The following CSMD1 variants were observed in gnomAD, a reference collection of about 807,000 sequenced individuals.
CSMD1 encodes the protein CUB and sushi domain-containing protein 1.
A neutral mutation model predicts 417.5 loss-of-function variants in CSMD1; 213 were observed. The ratio of observed to expected loss-of-function variants is 0.51; its 90% CI spans 0.46 to 0.57. The LOEUF (loss-of-function observed/expected upper bound fraction) is 0.57. CSMD1 is among the 20% of genes least tolerant of loss of function. The pLI is 0.00. For missense variants in CSMD1, 6,923 were observed against 4,529.7 expected, an observed-to-expected ratio of 1.53 and a Z score of -15.17; for synonymous variants, 2,862 against 1,736.8, an observed-to-expected ratio of 1.65 and a Z score of -16.11.
chr8:4,904,184 T>A (rs1805083943), intron 1 of CSMD1, among the ~76,000 whole-genome samples: 1 of 152,128 alleles, frequency 6.6e-6, no homozygotes, highest in African/African-American at 2.4e-5. Context: ...ATCTCTGAAC[T>A]CTGGTCATAA....
intron 3 of CSMD1, among the ~76,000 whole-genome samples, chr8:4,097,245 A>T (rs1801062537): frequency 6.6e-6 from 1 of 152,210 alleles, no homozygotes; most frequent in African/African-American, 2.4e-5. Flanking sequence ...TGTAGTACAA[A>T]GAACTGGAAA....
rs766089311 is a variant in CSMD1, at chr8:3,348,026, C to T, written c.3440G>A (p.Arg1147Gln). The change falls in exon 22 of 70, where the codon CGA becomes CAA. Residue 1147 changes from arginine (R) to glutamine (Q), a missense_variant. Arg to Gln is a conservative substitution (Grantham distance 43, BLOSUM62 1). Transcript: ENST00000635120. The part of the protein sequence containing the change: ...EAGKGIHLRT[R>Q]SFQLFEGDTL... ...ATCTCCTTCAAACAGCTGGAAGCTT[C>T]GTGTTCTAAGGTGGATGCCCTTGCC... The T allele has an allele frequency of 4.4e-6, 7 of 1,607,018 alleles. No individual in the cohort carries two copies. Among genetic ancestry groups the T allele is most frequent in the African/African-American group, 1.3e-5 (1 of 74,760 alleles).
At chr8:4,532,819 C>T (rs73498610) in intron 2 of CSMD1, among the ~76,000 whole-genome samples, 20,162 of 149,964 alleles carry the variant, frequency 0.13, 4,461 homozygotes, top group African/African-American at 0.47. Context: ...AGAAATCCTG[C>T]ACCCGCATTC....
rs376164919 is a variant in CSMD1 at position 4,704,203 on chromosome 8, T to A, written c.86-66645A>T. On this transcript the variant is annotated intron_variant, in intron 1 of 69. Transcript: ENST00000635120. ...ACGTAAGTCAAATTTAATACGCTGG[T>A]AGCACCTTACATTGTCATTTAAGTC... 2.0e-5 allele frequency among the ~76,000 whole-genome samples: 3 copies of A among 152,232 alleles called. No individual in the cohort carries two copies. The East Asian group carries it at 5.8e-4, about 29-fold the overall frequency.
At chr8:4,308,679 T>A (rs899338493) in intron 3 of CSMD1, among the ~76,000 whole-genome samples, 1 of 152,226 alleles carries the variant, frequency 6.6e-6, no homozygotes, top group Admixed American at 6.5e-5. Flanking sequence ...TACGCAAATA[T>A]CTGGGTGCTT....
At position 3,423,310 on chromosome 8, in the gene CSMD1, C is replaced by G. The variant is rs1165752961; in HGVS notation, c.1562-13705G>C. Among the ~76,000 whole-genome samples, 5 of 152,194 alleles carry G rather than the reference C, an allele frequency of 3.3e-5. No individual in the cohort carries two copies. The East Asian group carries it at 9.6e-4, about 29-fold the overall frequency. The stretch of plus-strand genomic sequence containing the variant: ...GCTTCTCATTCCTCCACAATTTCCT[C>G]CATATCCATTTTCAGTCCATTTTTT... On this transcript the variant is annotated intron_variant, in intron 12 of 69. Coordinates refer to ENST00000635120, the MANE Select transcript of CSMD1 (RefSeq NM_033225.6).
intron 3 of CSMD1, among the ~76,000 whole-genome samples, chr8:4,117,629 T>G (rs1394188955): frequency 6.6e-6 from 1 of 152,178 alleles, no homozygotes; most frequent in Non-Finnish European, 1.5e-5. Context: ...AAAGGTGTGT[T>G]AAAACGCTGA....
chr8:4,464,557 G>A (rs559429501), intron 2 of CSMD1, among the ~76,000 whole-genome samples: 1 of 152,110 alleles, frequency 6.6e-6, no homozygotes, highest in Non-Finnish European at 1.5e-5. Flanking sequence ...AAAGCAGAAT[G>A]GTCGTATGGG....
chr8:4,153,558 G>A (rs879431928), intron 3 of CSMD1, among the ~76,000 whole-genome samples: 1 of 152,186 alleles, frequency 6.6e-6, no homozygotes, highest in South Asian at 2.1e-4. Flanking sequence ...CGGCCTCCAC[G>A]CAATCATGGG....
intron 5 of CSMD1, among the ~76,000 whole-genome samples, chr8:3,766,756 G>T (rs1239560592): frequency 6.6e-6 from 1 of 151,670 alleles, no homozygotes. Context: ...TATTCTTTAG[G>T]AATATCATTA....
chr8:4,181,867 A>G (rs1798395922), intron 3 of CSMD1, among the ~76,000 whole-genome samples: 1 of 152,172 alleles, frequency 6.6e-6, no homozygotes, highest in South Asian at 2.1e-4. Flanking sequence ...CCTTTAGCCT[A>G]GTTGATTATA....
chr8:2,977,223 C>A (rs901815980), intron 55 of CSMD1, among the ~76,000 whole-genome samples: 3 of 152,120 alleles, frequency 2.0e-5, no homozygotes, highest in Admixed American at 2.0e-4. Context: ...AGGTACCAAG[C>A]CCCATATGCA....
intron 3 of CSMD1, among the ~76,000 whole-genome samples, chr8:4,228,589 C>CTT (rs201365918): frequency 0.013 from 1,831 of 138,340 alleles, 28 homozygotes; most frequent in African/African-American, 0.03. Flanking sequence ...TCTGTCAGAT[C>CTT]TTTTTTTTTT....
intron 1 of CSMD1, among the ~76,000 whole-genome samples, chr8:4,757,817 G>C (rs745704309): frequency 5.3e-5 from 8 of 151,914 alleles, no homozygotes; most frequent in Non-Finnish European, 1.2e-4. Flanking sequence ...AAATTAGCGA[G>C]GCACGGTGGC....
At chr8:3,809,874 C>T (rs1195787519) in intron 5 of CSMD1, among the ~76,000 whole-genome samples, 2 of 152,122 alleles carry the variant, frequency 1.3e-5, no homozygotes, top group African/African-American at 4.8e-5. Flanking sequence ...GTCAATATCA[C>T]CCGTTACGTA....
chr8:4,162,229 G>A lies in CSMD1; in HGVS notation c.416-130130C>T, dbSNP rs138022054. Reference sequence around the variant, plus strand: ...ATGTCTTTTAATTGTTATGTTACCAGTATTCATCTAAGAAACATTCTGCAA... The same window carrying A: ...ATGTCTTTTAATTGTTATGTTACCAATATTCATCTAAGAAACATTCTGCAA... On this transcript the variant is annotated intron_variant, in intron 3 of 69. Transcript: ENST00000635120. Among the ~76,000 whole-genome samples, 252 of 152,246 alleles carry A rather than the reference G, an allele frequency of 1.7e-3. 2 individuals are homozygous for A. Among genetic ancestry groups the A allele is most frequent in the Admixed American group, 0.016 (245 of 15,294 alleles).
chr8:3,380,418 T>A (rs1428401399), intron 18 of CSMD1, among the ~76,000 whole-genome samples: 1 of 152,218 alleles, frequency 6.6e-6, no homozygotes, highest in Non-Finnish European at 1.5e-5. Flanking sequence ...TAAATCATTC[T>A]ACTATGAAGA....
chr8:3,183,599 G>A (rs917740190), intron 36 of CSMD1, among the ~76,000 whole-genome samples: 1 of 146,772 alleles, frequency 6.8e-6, no homozygotes, highest in Non-Finnish European at 1.5e-5. Context: ...CTGAAATATC[G>A]AGTAGGTCTC....
chr8:3,384,737 TATA>T (rs1810875369), intron 18 of CSMD1, among the ~76,000 whole-genome samples: 1 of 123,770 alleles, frequency 8.1e-6, no homozygotes, highest in Admixed American at 9.9e-5. Flanking sequence ...ATATATATTA[TATA>T]AATATATATT....
Sources: gnomAD v4.1 joint callset for allele counts (sites outside exome capture counted in the v4.1 genomes callset) on GRCh38, gnomAD v4.1.1 for gene constraint, MANE v1.5 for transcripts, NCBI Gene and HGNC (gene_info 2026-07-23, HGNC 2026-07-21) for gene names.